Variants in INSC observed in about 807,000 individuals in gnomAD.
INSC encodes the protein protein inscuteable homolog.
A neutral mutation model predicts 58.6 loss-of-function variants in INSC; 67 were observed. The ratio of observed to expected loss-of-function variants is 1.14; its 90% CI spans 0.94 to 1.40. The LOEUF is 1.40. Ranked by LOEUF, INSC falls within the 40% of genes most tolerant of loss-of-function variation. The pLI is 0.00. For missense variants in INSC, 714 were observed against 692.0 expected, an observed-to-expected ratio of 1.03 and a Z score of -0.36; for synonymous variants, 262 against 276.1, an observed-to-expected ratio of 0.95 and a Z score of 0.51.
intron 2 of INSC, among the ~76,000 whole-genome samples, chr11:15,170,304 G>A (rs1040725836): frequency 4.0e-5 from 6 of 151,842 alleles, no homozygotes; most frequent in Admixed American, 1.3e-4. Flanking sequence ...TCTGTTTCAG[G>A]ATTCCACCCA....
At chr11:15,244,220 A>G (rs932222463) in intron 12 of INSC, among the ~76,000 whole-genome samples, 3 of 152,108 alleles carry the variant, frequency 2.0e-5, no homozygotes. Flanking sequence ...TCCCAGTTGG[A>G]GCCAAGAAGA....
At chr11:15,232,438 A>T (rs1415023673) in intron 9 of INSC, among the ~76,000 whole-genome samples, 1 of 152,108 alleles carries the variant, frequency 6.6e-6, no homozygotes, top group Non-Finnish European at 1.5e-5. Context: ...TTACTTATTT[A>T]TTTAGAGACG....
intron 7 of INSC, among the ~76,000 whole-genome samples, chr11:15,220,796 T>C (rs182620378): frequency 6.6e-6 from 1 of 152,312 alleles, no homozygotes; most frequent in East Asian, 1.9e-4. Context: ...CTTGGAAACA[T>C]GTTCTTATCT....
chr11:15,113,128 T>C (rs1472590505), upstream of INSC, among the ~76,000 whole-genome samples: 15 of 125,142 alleles, frequency 1.2e-4, no homozygotes, highest in African/African-American at 4.3e-4. Context: ...TCTCTTTCTT[T>C]CTTTCTTTCT....
chr11:15,196,903 A>G (rs2133873811), intron 6 of INSC, among the ~76,000 whole-genome samples: 1 of 152,268 alleles, frequency 6.6e-6, no homozygotes, highest in Middle Eastern at 3.4e-3. Context: ...TTGGCAGCAA[A>G]GGCTACGTGC....
rs1164367066 is a variant in INSC at position 15,175,825 on chromosome 11, G to T, written c.141G>T (p.Leu47=). ...CCGAGTGCGAGTGCATGTGTGTCCT[G>T]CAGGCCAAGCCCATCAGCCTGGAAG... ...LMTECECMCV[L]QAKPISLEED... Residue 47 remains leucine (L), a synonymous_variant, in exon 3 of 13, where the codon CTG becomes CTT. Coordinates refer to ENST00000379556, the MANE Select transcript of INSC (RefSeq NM_001042536.3). The T allele has an allele frequency of 1.9e-6, 3 of 1,611,130 alleles. No individual in the cohort carries two copies. The highest frequency in any genetic ancestry group is 2.5e-6 in the Non-Finnish European group (3 of 1,177,600).
chr11:15,129,089 G>A (rs1210774921), intron 1 of INSC, among the ~76,000 whole-genome samples: 2 of 152,164 alleles, frequency 1.3e-5, no homozygotes, highest in Admixed American at 6.6e-5. Flanking sequence ...GCAAGAAGGA[G>A]CTCTCCCCTC....
At chr11:15,147,509 A>T (rs978465054) in intron 1 of INSC, among the ~76,000 whole-genome samples, 1 of 152,222 alleles carries the variant, frequency 6.6e-6, no homozygotes, top group Admixed American at 6.5e-5. Flanking sequence ...TGTCATCCTT[A>T]TACTAGCTCT....
At chr11:15,171,720 T>G (rs1278138251) in intron 2 of INSC, among the ~76,000 whole-genome samples, 1 of 152,230 alleles carries the variant, frequency 6.6e-6, no homozygotes, top group Non-Finnish European at 1.5e-5. Flanking sequence ...AATGTTCTTT[T>G]GGTTACAAGC....
At chr11:15,206,065 C>G (rs923132204) in intron 7 of INSC, among the ~76,000 whole-genome samples, 1 of 152,234 alleles carries the variant, frequency 6.6e-6, no homozygotes, top group Admixed American at 6.5e-5. Context: ...TCCTAAGCTT[C>G]AGGACATCTG....
intron 6 of INSC, among the ~76,000 whole-genome samples, chr11:15,200,283 G>A (rs1221072544): frequency 1.3e-5 from 2 of 152,042 alleles, no homozygotes; most frequent in African/African-American, 4.8e-5. Flanking sequence ...AAAAATGGGA[G>A]GAAATGGTAG....
At chr11:15,269,526 GT>G in the INSC span, among the ~76,000 whole-genome samples, 18 of 147,994 alleles carry the variant, frequency 1.2e-4, no homozygotes, top group South Asian at 4.3e-4. Context: ...ATTCCTGATG[GT>G]TTTTTTTTTG....
intron 2 of INSC, among the ~76,000 whole-genome samples, chr11:15,162,641 G>A (rs549924741): frequency 4.6e-5 from 7 of 152,218 alleles, no homozygotes; most frequent in African/African-American, 7.2e-5. Flanking sequence ...TGGAATGTTC[G>A]TTCGTTTTGC....
intron 1 of INSC, 95 bp downstream of exon 1, chr11:15,115,098 T>A: frequency 1.3e-6 from 1 of 799,042 alleles, no homozygotes; most frequent in Non-Finnish European, 1.5e-6. Context: ...AATTGGATAG[T>A]AGGTGTAAGT....
the INSC span, among the ~76,000 whole-genome samples, chr11:15,263,938 C>T: frequency 6.6e-6 from 1 of 150,644 alleles, no homozygotes; most frequent in Non-Finnish European, 1.5e-5. Flanking sequence ...TCAAATTCTT[C>T]TCATGCTTGG....
intron 1 of INSC, among the ~76,000 whole-genome samples, chr11:15,136,525 T>A (rs1026369123): frequency 1.3e-5 from 2 of 152,204 alleles, no homozygotes; most frequent in Non-Finnish European, 2.9e-5. Flanking sequence ...TTGGAGTTAA[T>A]CCTCTCAAAT....
chr11:15,258,928 A>G, the INSC span, among the ~76,000 whole-genome samples: 10 of 152,182 alleles, frequency 6.6e-5, no homozygotes, highest in Non-Finnish European at 1.3e-4. Context: ...GTCAAATTCC[A>G]AAGAGAGAGG....
chr11:15,232,649 C>T (rs780241403), intron 9 of INSC, among the ~76,000 whole-genome samples: 18 of 152,002 alleles, frequency 1.2e-4, no homozygotes, highest in Non-Finnish European at 1.6e-4. Flanking sequence ...TATAGCGACA[C>T]GGGTTTTCTA....
chr11:15,233,018 T>C lies in INSC; in HGVS notation c.1171-2584T>C, dbSNP rs530242769. Among the ~76,000 whole-genome samples the C allele has an allele frequency of 5.8e-4, 89 of 152,300 alleles. 1 individual carries two copies. The highest frequency in any genetic ancestry group is 2.1e-3 in the African/African-American group (87 of 41,554). On this transcript the variant is annotated intron_variant, in intron 9 of 12. Transcript: ENST00000379556. ...AGCCACTGAGTTTGCGATAATTTGT[T>C]ATAGCAGCAATAGAAAATGAATACA...
Sources: gnomAD v4.1 joint callset for allele counts (sites outside exome capture counted in the v4.1 genomes callset) on GRCh38, gnomAD v4.1.1 for gene constraint, MANE v1.5 for transcripts, NCBI Gene and HGNC (gene_info 2026-07-23, HGNC 2026-07-21) for gene names.